CRPPA: variants seen among roughly 807,000 people sequenced by gnomAD.
The protein encoded by CRPPA is CDP-L-ribitol pyrophosphorylase A.
CRPPA carries 43 observed loss-of-function variants against 52.0 expected under a neutral mutation model. That is an observed-to-expected ratio of 0.83 (90% CI 0.65 to 1.07). The LOEUF (loss-of-function observed/expected upper bound fraction) is 1.07, where lower values mean the gene tolerates loss of function less well. Among genes scored for constraint, CRPPA ranks in the 50% least tolerant of loss-of-function variants. The probability of loss-of-function intolerance (pLI) is 0.00; values close to 1 mark genes in which losing one functional copy is unlikely to be tolerated. For missense variants in CRPPA, 629 were observed against 551.7 expected (o/e 1.14, Z -1.40); for synonymous variants, 250 against 203.5 (o/e 1.23, Z -1.94).
At chr7:16,367,704 A>C (rs528953139) in intron 3 of CRPPA, among the ~76,000 whole-genome samples, 11 of 152,210 alleles carry the variant, frequency 7.2e-5, no homozygotes, top group Non-Finnish European at 1.3e-4. Context: ...ATGAATTATG[A>C]ATGGGAATTC....
intron 9 of CRPPA, among the ~76,000 whole-genome samples, chr7:16,126,112 G>A (rs1210816104): frequency 6.6e-6 from 1 of 152,138 alleles, no homozygotes; most frequent in East Asian, 1.9e-4. Flanking sequence ...AAGCTTTGGA[G>A]AGGCGGGCAG....
intron 3 of CRPPA, among the ~76,000 whole-genome samples, chr7:16,355,990 T>G (rs1786284969): frequency 6.6e-6 from 1 of 152,110 alleles, no homozygotes; most frequent in Non-Finnish European, 1.5e-5. Flanking sequence ...GACAATACCT[T>G]TTTACTAGTT....
At chr7:16,136,617 TC>T (rs149231420) in intron 9 of CRPPA, among the ~76,000 whole-genome samples, 5,836 of 152,216 alleles carry the variant, frequency 0.038, 332 homozygotes, top group East Asian at 0.3. Context: ...TATCACACAT[TC>T]TTAAGGAACT....
At chr7:16,352,143 C>A (rs1786171591) in intron 3 of CRPPA, among the ~76,000 whole-genome samples, 1 of 152,014 alleles carries the variant, frequency 6.6e-6, no homozygotes, top group Non-Finnish European at 1.5e-5. Flanking sequence ...AACCATCATT[C>A]TCAGCAAACT....
chr7:16,190,387 C>T (rs557569305), intron 9 of CRPPA, among the ~76,000 whole-genome samples: 2 of 152,074 alleles, frequency 1.3e-5, no homozygotes, highest in East Asian at 1.9e-4. Context: ...TAGGAACAAA[C>T]GAATTAAGTA....
Position 16,335,871 on chromosome 7 carries a change from G to A in CRPPA, c.685-27244C>T, listed in dbSNP as rs193053376. Among the ~76,000 whole-genome samples, 37 of 152,248 alleles carry A rather than the reference G, an allele frequency of 2.4e-4. No individual in the cohort carries two copies. The East Asian group carries it at 4.1e-3, about 17-fold the overall frequency. On this transcript the variant is annotated intron_variant, in intron 3 of 9. Transcript: ENST00000407010. ...AGAAACAATATTCAAAGCAGTGGGC[G>A]GGTAAGAAACGTTATTCAAAGAAGC...
At chr7:16,294,344 C>T (rs890272279) in intron 5 of CRPPA, among the ~76,000 whole-genome samples, 2 of 151,700 alleles carry the variant, frequency 1.3e-5, no homozygotes, top group African/African-American at 4.8e-5. Flanking sequence ...CCTTCAAAAG[C>T]GACAGATTTA....
intron 3 of CRPPA, among the ~76,000 whole-genome samples, chr7:16,309,719 G>A (rs1784994134): frequency 6.6e-6 from 1 of 151,918 alleles, no homozygotes; most frequent in African/African-American, 2.4e-5. Context: ...ATTGCACAAG[G>A]CAACAAATAT....
intron 9 of CRPPA, among the ~76,000 whole-genome samples, chr7:16,111,609 C>T (rs1782265908): frequency 6.6e-6 from 1 of 152,126 alleles, no homozygotes; most frequent in African/African-American, 2.4e-5. Flanking sequence ...AAGTAACTGT[C>T]ATTTGCAACC....
chr7:16,360,501 G>C (rs1434149288), intron 3 of CRPPA, among the ~76,000 whole-genome samples: 1 of 152,152 alleles, frequency 6.6e-6, no homozygotes, highest in Non-Finnish European at 1.5e-5. Flanking sequence ...CAGTGTAGTA[G>C]TAGCAGTAGT....
intron 5 of CRPPA, among the ~76,000 whole-genome samples, chr7:16,293,650 A>C (rs559160996): frequency 4.6e-5 from 7 of 151,992 alleles, no homozygotes; most frequent in Non-Finnish European, 8.8e-5. Context: ...AAAGACATGC[A>C]AGAAAACCAT....
intron 3 of CRPPA, among the ~76,000 whole-genome samples, chr7:16,348,743 C>G (rs959840501): frequency 6.6e-6 from 1 of 152,216 alleles, no homozygotes; most frequent in African/African-American, 2.4e-5. Flanking sequence ...AGTAGCCTCT[C>G]AGCAGCCTGA....
rs888869773 is a variant in CRPPA, at chr7:16,342,658, T to C, written c.684+33434A>G. Among the ~76,000 whole-genome samples, 7 of 149,706 alleles carry C rather than the reference T, an allele frequency of 4.7e-5. No individual in the cohort carries two copies. The South Asian group carries it at 6.3e-4, about 13-fold the overall frequency. On this transcript the variant is annotated intron_variant, in intron 3 of 9. Coordinates refer to ENST00000407010, the MANE Select transcript of CRPPA (RefSeq NM_001101426.4). ...GGCCGGGCACAGTGGATCACACCAG[T>C]AATGCCAGCATTTTGGGAGGCTGAG... is the stretch of plus-strand genomic sequence containing the variant.
chr7:16,140,633 T>G (rs1380989252), intron 9 of CRPPA, among the ~76,000 whole-genome samples: 1 of 152,210 alleles, frequency 6.6e-6, no homozygotes, highest in Non-Finnish European at 1.5e-5. Context: ...ATATAATCCT[T>G]TTTATCTCAA....
intron 1 of CRPPA, among the ~76,000 whole-genome samples, chr7:16,420,240 TC>T (rs943765198): frequency 3.9e-5 from 6 of 152,120 alleles, no homozygotes; most frequent in South Asian, 2.1e-4. Context: ...CTACCACAGC[TC>T]CCCACTGGCT....
At chr7:16,359,535 C>T (rs1479422923) in intron 3 of CRPPA, among the ~76,000 whole-genome samples, 2 of 152,188 alleles carry the variant, frequency 1.3e-5, no homozygotes, top group Non-Finnish European at 2.9e-5. Flanking sequence ...TGTCACTTCT[C>T]AACTTCGTTC....
chr7:16,399,693 GC>G (rs1163559437), intron 2 of CRPPA, among the ~76,000 whole-genome samples: 2 of 151,912 alleles, frequency 1.3e-5, no homozygotes, highest in East Asian at 3.9e-4. Context: ...TGACACGTGA[GC>G]AACACGTGAC....
intron 3 of CRPPA, among the ~76,000 whole-genome samples, chr7:16,344,076 A>G (rs1227618507): frequency 6.6e-6 from 1 of 152,222 alleles, no homozygotes; most frequent in African/African-American, 2.4e-5. Context: ...TTAAACAGCA[A>G]CAACAAAAAA....
chr7:16,150,994 T>C (rs1018159318), intron 9 of CRPPA, among the ~76,000 whole-genome samples: 6 of 152,218 alleles, frequency 3.9e-5, no homozygotes, highest in African/African-American at 1.4e-4. Flanking sequence ...TGCTGTTGCA[T>C]TGAAGATTAA....
Sources: allele counts gnomAD v4.1 joint callset (sites outside exome capture counted in the v4.1 genomes callset), GRCh38; gene constraint gnomAD v4.1.1; transcripts MANE v1.5; gene names NCBI Gene and HGNC (gene_info 2026-07-23, HGNC 2026-07-21).